The following JMY variants were observed in gnomAD, a reference collection of about 807,000 sequenced individuals.
JMY encodes junction-mediating and -regulatory protein.
Under a neutral mutation model 103.3 loss-of-function variants are expected in JMY, and 46 were observed. That is an observed-to-expected ratio of 0.45 (90% CI 0.35 to 0.57). The LOEUF is 0.57. Ranked by LOEUF, JMY falls within the 20% of genes least tolerant of loss-of-function variation. The pLI, the probability that JMY is intolerant of heterozygous loss-of-function variation, is 0.00. For synonymous variants in JMY, 526 were observed against 489.3 expected (o/e 1.07, Z -0.99); for missense variants, 1,238 against 1,255.2 (o/e 0.99, Z 0.21).
At chr5:79,273,412 GTTAT>G (rs1214926500) in intron 1 of JMY, among the ~76,000 whole-genome samples, 8 of 152,244 alleles carry the variant, frequency 5.3e-5, no homozygotes, top group Non-Finnish European at 1.2e-4. Flanking sequence ...TTCCTCCTAT[GTTAT>G]TTTTCTCTAG....
chr5:79,302,457 A>T (rs910934497), intron 6 of JMY, among the ~76,000 whole-genome samples: 1 of 152,190 alleles, frequency 6.6e-6, no homozygotes, highest in African/African-American at 2.4e-5. Context: ...AAACAGCAAG[A>T]GCAGGGAGTG....
At position 79,323,754 on chromosome 5, in the gene JMY, A is replaced by T. The variant is rs1466250128; in HGVS notation, c.*2152A>T. ...TTTACTTTTGGGATTTCATTATAAA[A>T]TAGGCTCATTTTATACATATGTCCT... On this transcript the variant is annotated 3_prime_UTR_variant, in exon 11 of 11. Transcript: ENST00000396137. The T allele has an allele frequency of 1.3e-5, 2 of 152,204 alleles. No homozygotes were observed. The allele number at this position is 152,204 out of a possible 1,614,324, so 9.4% of individuals were successfully genotyped here.
At chr5:79,246,064 T>A (rs1414618425) in intron 1 of JMY, among the ~76,000 whole-genome samples, 2 of 152,244 alleles carry the variant, frequency 1.3e-5, no homozygotes, top group Non-Finnish European at 2.9e-5. Flanking sequence ...CAGTAGTGTT[T>A]CATTTTGTGT....
At chr5:79,311,316 C>T (rs920862241) in intron 7 of JMY, among the ~76,000 whole-genome samples, 1 of 152,034 alleles carries the variant, frequency 6.6e-6, no homozygotes, top group Non-Finnish European at 1.5e-5. Flanking sequence ...GTCTCCCTGC[C>T]ACCCTTACGT....
chr5:79,261,427 C>T (rs1244327676), intron 1 of JMY, among the ~76,000 whole-genome samples: 2 of 151,968 alleles, frequency 1.3e-5, no homozygotes, highest in Non-Finnish European at 2.9e-5. Context: ...CATAGTGGCA[C>T]GTGACTGTAG....
chr5:79,296,515 C>T (rs1462700782), intron 4 of JMY, among the ~76,000 whole-genome samples: 1 of 152,186 alleles, frequency 6.6e-6, no homozygotes, highest in African/African-American at 2.4e-5. Flanking sequence ...ATAGCCTTGC[C>T]CTGTCACCGA....
chr5:79,307,362 C>T (rs1279033930), intron 7 of JMY, among the ~76,000 whole-genome samples: 1 of 152,166 alleles, frequency 6.6e-6, no homozygotes. Flanking sequence ...TGAACTCCCA[C>T]CAGCAATGAG....
At chr5:79,275,534 G>C (rs1220816436) in intron 1 of JMY, among the ~76,000 whole-genome samples, 2 of 152,112 alleles carry the variant, frequency 1.3e-5, no homozygotes, top group African/African-American at 4.8e-5. Context: ...AGGCTGAAAG[G>C]CATGAATAAA....
At chr5:79,272,268 C>T (rs942798684) in intron 1 of JMY, among the ~76,000 whole-genome samples, 1 of 152,086 alleles carries the variant, frequency 6.6e-6, no homozygotes, top group African/African-American at 2.4e-5. Flanking sequence ...ATATTTATCT[C>T]TTCTAGGCAA....
chr5:79,318,890 C>T (rs979950812), intron 10 of JMY, among the ~76,000 whole-genome samples: 4 of 151,504 alleles, frequency 2.6e-5, no homozygotes, highest in Non-Finnish European at 4.4e-5. Flanking sequence ...AGGTTGTCTC[C>T]CACTTTACAG....
chr5:79,285,086 A>G (rs1394460418), intron 2 of JMY, among the ~76,000 whole-genome samples: 4 of 152,134 alleles, frequency 2.6e-5, no homozygotes, highest in Non-Finnish European at 2.9e-5. Flanking sequence ...AGATTGTCCA[A>G]CTTATTTTTA....
At chr5:79,244,369 A>C (rs971705055) in intron 1 of JMY, among the ~76,000 whole-genome samples, 3 of 152,100 alleles carry the variant, frequency 2.0e-5, no homozygotes, top group African/African-American at 7.2e-5. Context: ...CTTAGACAAC[A>C]CTTCAGTGAT....
intron 4 of JMY, among the ~76,000 whole-genome samples, chr5:79,293,313 TTC>T (rs199941381): frequency 0.017 from 2,644 of 152,296 alleles, 28 homozygotes; most frequent in Middle Eastern, 0.041. Flanking sequence ...GCAGGCAAAA[TTC>T]TGTTTGACTT....
intron 10 of JMY, among the ~76,000 whole-genome samples, chr5:79,318,376 CATAAT>C (rs1747311553): frequency 6.6e-6 from 1 of 152,020 alleles, no homozygotes; most frequent in Non-Finnish European, 1.5e-5. Flanking sequence ...ATTTTGAAGA[CATAAT>C]ATAAAAATGT....
Position 79,316,108 on chromosome 5 carries a change from A to G in JMY, c.2768A>G (p.Asn923Ser). ...LPPFPDEDDS[N>S]NILAQIRKGV... ...CCTTTTCCTGATGAAGATGATAGTA[A>G]TAATATCTTGGCACAAATAAGGAAA... is the stretch of plus-strand genomic sequence containing the variant. The change falls in exon 10 of 11, where the codon AAT becomes AGT. Residue 923 changes from asparagine (N) to serine (S), a missense_variant. Coordinates refer to ENST00000396137, the MANE Select transcript of JMY (RefSeq NM_152405.5). The G allele has an allele frequency of 1.2e-6, 2 of 1,613,954 alleles. No homozygotes were observed. The highest frequency in any genetic ancestry group is 1.7e-6 in the Non-Finnish European group (2 of 1,179,778).
intron 10 of JMY, among the ~76,000 whole-genome samples, chr5:79,317,118 A>C (rs1747254202): frequency 1.3e-5 from 2 of 151,930 alleles, no homozygotes; most frequent in Non-Finnish European, 1.5e-5. Flanking sequence ...ACAAACTGTT[A>C]TGCACACTGA....
chr5:79,252,547 C>A (rs528394238), intron 1 of JMY, among the ~76,000 whole-genome samples: 1 of 152,064 alleles, frequency 6.6e-6, no homozygotes, highest in African/African-American at 2.4e-5. Flanking sequence ...ATCTGTCCTG[C>A]GCTGAAAGTG....
rs375097751 is a variant in JMY, at chr5:79,299,473, G to A, written c.1528-680G>A. Among the ~76,000 whole-genome samples the A allele has an allele frequency of 4.6e-5, 7 of 151,822 alleles. No individual in the cohort carries two copies. The South Asian group carries it at 1.0e-3, about 23-fold the overall frequency. On this transcript the variant is annotated intron_variant, in intron 4 of 10. Coordinates refer to ENST00000396137, the MANE Select transcript of JMY (RefSeq NM_152405.5). ...GCAAAAATTTTCCCACTCCAGCACC[G>A]AGAACTGACCAACCAAGCAAACCTC...
chr5:79,294,908 A>AT (rs986371740), intron 4 of JMY, among the ~76,000 whole-genome samples: 1 of 151,824 alleles, frequency 6.6e-6, no homozygotes. Context: ...CTGGCAGAGG[A>AT]TTTTAACAAT....
Sources: allele counts gnomAD v4.1 joint callset (sites outside exome capture counted in the v4.1 genomes callset), GRCh38; gene constraint gnomAD v4.1.1; transcripts MANE v1.5; gene names NCBI Gene and HGNC (gene_info 2026-07-23, HGNC 2026-07-21).